The following GSAP variants were observed in gnomAD, a reference collection of about 807,000 sequenced individuals.
GSAP encodes the protein gamma-secretase-activating protein.
A neutral mutation model predicts 131.7 loss-of-function variants in GSAP; 118 were observed. The ratio of observed to expected loss-of-function variants is 0.90; its 90% CI spans 0.77 to 1.04. The LOEUF is 1.04. Among genes scored for constraint, GSAP ranks in the 50% least tolerant of loss-of-function variants. The pLI, the probability that GSAP is intolerant of heterozygous loss-of-function variation, is 0.00. For missense variants in GSAP, 1,019 were observed against 1,013.2 expected (o/e 1.01, Z -0.08); for synonymous variants, 381 against 363.4 (o/e 1.05, Z -0.55).
chr7:77,334,111 G>A (rs775380371), intron 19 of GSAP, among the ~76,000 whole-genome samples: 9 of 152,088 alleles, frequency 5.9e-5, no homozygotes, highest in African/African-American at 9.7e-5. Context: ...CTATTATAAA[G>A]CTACATGCAC....
intron 26 of GSAP, chr7:77,314,737 CAG>C (rs771522064): frequency 3.2e-5 from 12 of 380,368 alleles, no homozygotes; most frequent in Non-Finnish European, 5.4e-5. Flanking sequence ...TGCACAGAAA[CAG>C]AGCAAGGGCC....
At chr7:77,406,907 G>T (rs1292030369) in intron 1 of GSAP, among the ~76,000 whole-genome samples, 1 of 152,228 alleles carries the variant, frequency 6.6e-6, no homozygotes, top group Non-Finnish European at 1.5e-5. Context: ...TGCTAAGGCG[G>T]TTTTGGTGGT....
intron 23 of GSAP, 37 bp downstream of exon 23, chr7:77,326,175 T>A: frequency 7.0e-7 from 1 of 1,437,366 alleles, no homozygotes; most frequent in South Asian, 1.2e-5. Context: ...TAGGGTTCCT[T>A]GTTTGCCAGC....
chr7:77,378,162 C>A (rs969178151), intron 8 of GSAP, among the ~76,000 whole-genome samples: 3 of 152,178 alleles, frequency 2.0e-5, no homozygotes, highest in African/African-American at 7.2e-5. Context: ...TAGCATGTAA[C>A]AGTGCTCAAG....
intron 19 of GSAP, among the ~76,000 whole-genome samples, chr7:77,344,341 C>G (rs1426864269): frequency 2.6e-5 from 4 of 152,180 alleles, no homozygotes; most frequent in Admixed American, 6.5e-5. Context: ...AGTTCAGCCT[C>G]CAACTTAAAA....
At chr7:77,358,122 C>T (rs1180174136) in intron 14 of GSAP, among the ~76,000 whole-genome samples, 3 of 152,108 alleles carry the variant, frequency 2.0e-5, no homozygotes, top group East Asian at 1.9e-4. Context: ...AGGTGGATTA[C>T]TTGAGGTCAG....
In GSAP at chr7:77,355,398, A is replaced by G; in HGVS notation, c.1153T>C (p.Cys385Arg). Residue 385 changes from cysteine to arginine, a missense_variant, in exon 16 of 31, where the codon TGC becomes CGC. By Grantham distance (180) the Cys-to-Arg change is radical (BLOSUM62 -3). Coordinates refer to ENST00000257626, the MANE Select transcript of GSAP (RefSeq NM_017439.4). ...GACCCTGACAATGACTGTAAAGGGC[A>G]ATGAGGTAGCATATCAATCATTTCA... ...NNEMIDMLPH[C>R]PLQSLSGSLV... The G allele has an allele frequency of 6.2e-7, 1 of 1,611,784 alleles. No homozygotes were observed. The highest frequency in any genetic ancestry group is 8.5e-7 in the Non-Finnish European group (1 of 1,178,152).
intron 23 of GSAP, among the ~76,000 whole-genome samples, chr7:77,325,402 ATCTTATTAGGCTTTCCAGATGTCTCT>A (rs1448501089): frequency 6.6e-6 from 1 of 152,216 alleles, no homozygotes; most frequent in African/African-American, 2.4e-5. Context: ...ATTAAAAAAT[ATCTTATTAGGCTTTCCAGATGTCTCT>A]TTAATCAGCT....
At chr7:77,411,834 AG>A (rs1355412757) in intron 1 of GSAP, among the ~76,000 whole-genome samples, 1 of 152,308 alleles carries the variant, frequency 6.6e-6, no homozygotes, top group Admixed American at 6.5e-5. Flanking sequence ...TACTAAGGTG[AG>A]GGGACTTACC....
chr7:77,379,884 G>A, intron 8 of GSAP: 1 of 983,866 alleles, frequency 1.0e-6, no homozygotes, highest in Non-Finnish European at 1.2e-6. Flanking sequence ...TTCTTGATTT[G>A]AGGCTTTCAA....
chr7:77,356,744 T>C (rs1327200360), intron 14 of GSAP, among the ~76,000 whole-genome samples: 1 of 152,162 alleles, frequency 6.6e-6, no homozygotes, highest in Non-Finnish European at 1.5e-5. Flanking sequence ...AAAACAGAAA[T>C]TCACACAGTA....
At chr7:77,413,866 TTTC>T in intron 1 of GSAP, among the ~76,000 whole-genome samples, 1 of 149,212 alleles carries the variant, frequency 6.7e-6, no homozygotes, top group Non-Finnish European at 1.5e-5. Context: ...GGTTTTTTTC[TTTC>T]TTTTATCATT....
At position 77,321,370 on chromosome 7, in the gene GSAP, A is replaced by G. The variant is rs1450136331; in HGVS notation, c.1957T>C (p.Trp653Arg). 10 of 1,607,256 alleles carry G rather than the reference A, an allele frequency of 6.2e-6. No homozygotes were observed. Among genetic ancestry groups the G allele is most frequent in the South Asian group, 1.1e-5 (1 of 90,958 alleles). The stretch of plus-strand genomic sequence containing the variant: ...CAGGAATGAAGATTATGTTTCCTCC[A>G]ATTGGTTTCTACGATGTGGCAAATG... ...DLICHIVETN[W>R]RKHNLHSWVL... Residue 653 changes from tryptophan to arginine, a missense_variant, in exon 25 of 31, where the codon TGG becomes CGG. Transcript: ENST00000257626.
intron 19 of GSAP, among the ~76,000 whole-genome samples, chr7:77,348,044 C>A (rs1792177441): frequency 6.6e-6 from 1 of 151,302 alleles, no homozygotes; most frequent in Non-Finnish European, 1.5e-5. Flanking sequence ...TGGCTCATGA[C>A]TGTAGTACCA....
chr7:77,406,889 C>T (rs942816482), intron 1 of GSAP, among the ~76,000 whole-genome samples: 13 of 152,226 alleles, frequency 8.5e-5, no homozygotes, highest in African/African-American at 3.1e-4. Context: ...AAGCTCCCCT[C>T]TCCCCGCTGC....
chr7:77,374,541 G>C (rs1796570481), intron 11 of GSAP, among the ~76,000 whole-genome samples: 1 of 151,600 alleles, frequency 6.6e-6, no homozygotes, highest in African/African-American at 2.4e-5. Context: ...TCTACATATT[G>C]ATGGCCTTAT....
chr7:77,377,533 C>A (rs2151013998), intron 8 of GSAP, 143 bp from the exon 9 acceptor site: 1 of 981,776 alleles, frequency 1.0e-6, no homozygotes, highest in Non-Finnish European at 1.4e-6. Context: ...AGCTCCCCAC[C>A]CCTAGTATAC....
intron 1 of GSAP, among the ~76,000 whole-genome samples, chr7:77,407,993 A>G (rs1411032734): frequency 2.0e-5 from 3 of 152,252 alleles, no homozygotes; most frequent in Admixed American, 6.5e-5. Flanking sequence ...AAAAGAAGGT[A>G]CAAATTGTAT....
chr7:77,412,810 G>C (rs974613479), intron 1 of GSAP, among the ~76,000 whole-genome samples: 10 of 150,906 alleles, frequency 6.6e-5, no homozygotes, highest in African/African-American at 2.4e-4. Flanking sequence ...ATTTTGAGCT[G>C]TCACGGGCTT....
Sources: gnomAD v4.1 joint callset for allele counts (sites outside exome capture counted in the v4.1 genomes callset) on GRCh38, gnomAD v4.1.1 for gene constraint, MANE v1.5 for transcripts, NCBI Gene and HGNC (gene_info 2026-07-23, HGNC 2026-07-21) for gene names.